The following FOXP2 variants were observed in gnomAD, a reference collection of about 807,000 sequenced individuals.
The protein encoded by FOXP2 is forkhead box P2, also known as forkhead box protein P2.
A neutral mutation model predicts 115.8 loss-of-function variants in FOXP2; 12 were observed. That is an observed-to-expected ratio of 0.10 (90% CI 0.07 to 0.17). The LOEUF (loss-of-function observed/expected upper bound fraction) is 0.17, where lower values mean the gene tolerates loss of function less well. Among genes scored for constraint, FOXP2 ranks in the 10% least tolerant of loss-of-function variants. The probability of loss-of-function intolerance (pLI) is 1.00; values close to 1 mark genes in which losing one functional copy is unlikely to be tolerated. For missense variants in FOXP2, 629 were observed against 843.5 expected, an observed-to-expected ratio of 0.75 and a Z score of 3.15; for synonymous variants, 328 against 297.7, an observed-to-expected ratio of 1.10 and a Z score of -1.05.
chr7:114,330,830 A>G (rs1398672216), intron 2 of FOXP2, among the ~76,000 whole-genome samples: 1 of 152,206 alleles, frequency 6.6e-6, no homozygotes, highest in Non-Finnish European at 1.5e-5. Flanking sequence ...CCACAAAAAT[A>G]ATAAGCTGAG....
In FOXP2 at chr7:114,689,811, T is replaced by C; in HGVS notation, c.2033T>C (p.Val678Ala). 1.2e-6 allele frequency: 2 copies of C among 1,613,430 alleles called. No homozygotes were observed. The highest frequency in any genetic ancestry group is 2.2e-5 in the East Asian group (1 of 44,838). ...IHSIHVKEEP[V>A]IAEDEDCPMS... The stretch of plus-strand genomic sequence containing the variant: ...TCAATCCACGTCAAGGAAGAGCCAG[T>C]GATTGCAGAGGATGAAGACTGCCCA... Residue 678 changes from valine to alanine, a missense_variant, in exon 17 of 17, where the codon GTG (valine) becomes GCG (alanine). Physicochemically the swap from Val to Ala is moderately conservative, Grantham distance 64 (BLOSUM62 0). Around this residue, in one of 9 missense-constraint regions of FOXP2, gnomAD observed 117 missense variants for 112.3 expected, o/e 1.04. Transcript: ENST00000350908.
Position 114,664,232 on chromosome 7 carries a change from G to A in FOXP2, c.1840-41G>A, listed in dbSNP as rs770941994. The A allele has an allele frequency of 5.0e-6, 8 of 1,604,604 alleles. No homozygotes were observed. The South Asian group carries it at 7.7e-5, about 15-fold the overall frequency. On this transcript the variant is annotated intron_variant, in intron 15 of 16. Coordinates refer to ENST00000350908, the MANE Select transcript of FOXP2 (RefSeq NM_014491.4). ...ACATGTTTTAAAAATTATTTTAAAT[G>A]CCATTTTGAAAGTTGTTTTACACAA...
In FOXP2 at chr7:114,426,492, T is replaced by C. The variant is rs1275825211; in HGVS notation, c.-10-10T>C. On this transcript the variant is annotated splice_polypyrimidine_tract_variant and intron_variant, in intron 1 of 16. Transcript: ENST00000350908. The stretch of plus-strand genomic sequence containing the variant: ...ACGTGTGTTAATTGATACTTCTTAA[T>C]CACTTTTAGGTATTAAGTCATGATG... 3.1e-6 allele frequency: 5 copies of C among 1,609,968 alleles called. No homozygotes were observed. In the Admixed American group the frequency reaches 6.7e-5, roughly 22 times the overall value.
chr7:114,570,930 T>C, intron 3 of FOXP2: 2 of 1,492,060 alleles, frequency 1.3e-6, no homozygotes, highest in African/African-American at 1.4e-5. Flanking sequence ...CACAAGGCCA[T>C]GGACCCAGTC....
intron 1 of FOXP2, among the ~76,000 whole-genome samples, chr7:114,201,988 CTGCCTT>C (rs1231667901): frequency 5.9e-5 from 9 of 152,260 alleles, no homozygotes; most frequent in Non-Finnish European, 1.3e-4. Context: ...TATACTCTGT[CTGCCTT>C]TTCTCTGTTT....
At chr7:114,139,567 T>G (rs185797402) in intron 1 of FOXP2, among the ~76,000 whole-genome samples, 1 of 152,320 alleles carries the variant, frequency 6.6e-6, no homozygotes, top group East Asian at 1.9e-4. Context: ...CTGGAATCTC[T>G]ACCTCACTAG....
intron 2 of FOXP2, chr7:114,366,579 A>C (rs1440326581): frequency 6.6e-6 from 1 of 152,320 alleles, no homozygotes; most frequent in Non-Finnish European, 1.5e-5. Flanking sequence ...AAATCAAAAC[A>C]AAAAGAATAA....
chr7:114,574,112 C>T (rs1386778007), intron 3 of FOXP2, among the ~76,000 whole-genome samples: 5 of 151,608 alleles, frequency 3.3e-5, no homozygotes, highest in Non-Finnish European at 1.5e-5. Context: ...TTTAATGTGC[C>T]TCTATCAATT....
chr7:114,435,746 C>T (rs1042677820), intron 2 of FOXP2, among the ~76,000 whole-genome samples: 6 of 152,210 alleles, frequency 3.9e-5, no homozygotes, highest in Non-Finnish European at 8.8e-5. Context: ...ACCATGTTGG[C>T]CAGGCTTGTC....
intron 3 of FOXP2, chr7:114,571,014 T>C: frequency 1.2e-6 from 1 of 810,274 alleles, no homozygotes; most frequent in Admixed American, 1.8e-5. Context: ...ATACAAATAA[T>C]GTTAAGATAC....
At chr7:114,101,561 A>G (rs1790957409) in intron 1 of FOXP2, among the ~76,000 whole-genome samples, 1 of 151,976 alleles carries the variant, frequency 6.6e-6, no homozygotes, top group Non-Finnish European at 1.5e-5. Context: ...GTTTTTAGAA[A>G]ATTTTTAAGT....
chr7:114,198,495 T>C (rs1173470493), intron 1 of FOXP2, among the ~76,000 whole-genome samples: 2 of 152,186 alleles, frequency 1.3e-5, no homozygotes, highest in East Asian at 3.9e-4. Flanking sequence ...CAGGCATTAA[T>C]TAGATTCTCA....
intron 2 of FOXP2, among the ~76,000 whole-genome samples, chr7:114,516,109 C>A (rs1176619942): frequency 6.6e-6 from 1 of 152,128 alleles, no homozygotes; most frequent in African/African-American, 2.4e-5. Context: ...CAAGTCAACC[C>A]TAAGCCAAAA....
chr7:114,093,833 A>G (rs985471169), intron 1 of FOXP2, among the ~76,000 whole-genome samples: 1 of 152,132 alleles, frequency 6.6e-6, no homozygotes, highest in East Asian at 1.9e-4. Context: ...GAAAGTTGTG[A>G]GTGAATATTT....
chr7:114,560,122 T>G (rs1264682416), intron 3 of FOXP2, among the ~76,000 whole-genome samples: 1 of 152,124 alleles, frequency 6.6e-6, no homozygotes, highest in African/African-American at 2.4e-5. Context: ...AAAAGTGGAA[T>G]GAGTATATAG....
intron 16 of FOXP2, chr7:114,667,583 C>G (rs1807236715): frequency 6.6e-6 from 1 of 152,058 alleles, no homozygotes; most frequent in South Asian, 2.1e-4. Flanking sequence ...AGGGACATAT[C>G]ATATATGTCT....
intron 3 of FOXP2, among the ~76,000 whole-genome samples, chr7:114,549,640 G>T (rs200362962): frequency 4.6e-5 from 7 of 152,092 alleles, no homozygotes; most frequent in Non-Finnish European, 8.8e-5. Flanking sequence ...TGCTGTAAAT[G>T]CATAATGATT....
At chr7:114,265,957 C>T (rs1013582311) in intron 1 of FOXP2, among the ~76,000 whole-genome samples, 15 of 152,058 alleles carry the variant, frequency 9.9e-5, no homozygotes, top group African/African-American at 3.4e-4. Context: ...CCCTAACCCC[C>T]AAATTCATTT....
At chr7:114,205,597 G>T (rs2129160546) in intron 1 of FOXP2, among the ~76,000 whole-genome samples, 1 of 152,202 alleles carries the variant, frequency 6.6e-6, no homozygotes, top group Admixed American at 6.5e-5. Context: ...GAATTCTCTG[G>T]GAAGCATATT....
Sources: gnomAD v4.1 joint callset for allele counts (sites outside exome capture counted in the v4.1 genomes callset) on GRCh38, gnomAD v4.1.1 for gene constraint, gnomAD v4.1.1 regional missense constraint, MANE v1.5 for transcripts, NCBI Gene and HGNC (gene_info 2026-07-23, HGNC 2026-07-21) for gene names.